The following PDZRN4 variants were observed in gnomAD, a reference collection of about 807,000 sequenced individuals.
PDZRN4 encodes PDZ domain-containing RING finger protein 4.
A neutral mutation model predicts 99.0 loss-of-function variants in PDZRN4; 70 were observed. That is an observed-to-expected ratio of 0.71 (90% CI 0.58 to 0.86). The LOEUF is 0.86. Ranked by LOEUF, PDZRN4 falls within the 40% of genes least tolerant of loss-of-function variation. The pLI is 0.00. For missense variants in PDZRN4, 1,474 were observed against 1,331.2 expected (o/e 1.11, Z -1.67); for synonymous variants, 551 against 501.6 (o/e 1.10, Z -1.32).
At chr12:41,511,668 T>C (rs1007471737) in intron 5 of PDZRN4, among the ~76,000 whole-genome samples, 1 of 152,150 alleles carries the variant, frequency 6.6e-6, no homozygotes, top group African/African-American at 2.4e-5. Flanking sequence ...CAGAGAAATT[T>C]ACCAGATTCA....
chr12:41,365,159 T>C (rs1951989492), intron 3 of PDZRN4, among the ~76,000 whole-genome samples: 1 of 152,078 alleles, frequency 6.6e-6, no homozygotes, highest in Admixed American at 6.6e-5. Context: ...CTCTTAGAGT[T>C]CAGTAAAATG....
At chr12:41,361,828 T>G (rs143451272) in intron 3 of PDZRN4, among the ~76,000 whole-genome samples, 1 of 152,020 alleles carries the variant, frequency 6.6e-6, no homozygotes. Context: ...TCTGTTACTG[T>G]GGAAAGAGGA....
chr12:41,490,725 A>T (rs1321784738), intron 3 of PDZRN4, among the ~76,000 whole-genome samples: 1 of 151,958 alleles, frequency 6.6e-6, no homozygotes, highest in Non-Finnish European at 1.5e-5. Context: ...TTGATTTATT[A>T]ATTTATTGGC....
At chr12:41,512,580 G>A (rs1005347686) in intron 5 of PDZRN4, among the ~76,000 whole-genome samples, 12 of 152,030 alleles carry the variant, frequency 7.9e-5, no homozygotes, top group Non-Finnish European at 7.4e-5. Flanking sequence ...AGGAGGGTGT[G>A]TTTTGTGGAG....
intron 3 of PDZRN4, among the ~76,000 whole-genome samples, chr12:41,372,141 G>T (rs895358153): frequency 8.3e-5 from 12 of 143,878 alleles, no homozygotes; most frequent in African/African-American, 3.0e-4. Flanking sequence ...AGGGATTAAA[G>T]GGGGAAAAAA....
chr12:41,254,593 T>G (rs1270566984), intron 3 of PDZRN4, among the ~76,000 whole-genome samples: 1 of 152,260 alleles, frequency 6.6e-6, no homozygotes, highest in Non-Finnish European at 1.5e-5. Flanking sequence ...AATAAATATT[T>G]TACCATTTCC....
intron 3 of PDZRN4, among the ~76,000 whole-genome samples, chr12:41,218,569 AAGAG>A (rs1950935557): frequency 6.6e-6 from 1 of 152,134 alleles, no homozygotes; most frequent in Admixed American, 6.6e-5. Context: ...ACCCCCTGTA[AAGAG>A]TGTTCTTTCT....
chr12:41,201,566 G>A (rs1318649463), intron 3 of PDZRN4, among the ~76,000 whole-genome samples: 1 of 152,032 alleles, frequency 6.6e-6, no homozygotes, highest in East Asian at 1.9e-4. Flanking sequence ...CAGACATTCT[G>A]TGAATTTTCT....
intron 2 of PDZRN4, among the ~76,000 whole-genome samples, chr12:41,192,770 C>T (rs946416265): frequency 3.9e-5 from 6 of 152,094 alleles, no homozygotes; most frequent in African/African-American, 1.2e-4. Flanking sequence ...CTCCCCAAAC[C>T]GAGTTCTTTG....
At chr12:41,438,199 C>T (rs1952647810) in intron 3 of PDZRN4, among the ~76,000 whole-genome samples, 1 of 152,174 alleles carries the variant, frequency 6.6e-6, no homozygotes, top group Non-Finnish European at 1.5e-5. Context: ...GCCACTCCCC[C>T]TTCAGATGAC....
chr12:41,538,672 AT>A (rs1592102667), intron 5 of PDZRN4, among the ~76,000 whole-genome samples: 1 of 152,162 alleles, frequency 6.6e-6, no homozygotes, highest in Admixed American at 6.5e-5. Context: ...AAAATTAAAC[AT>A]TTTTAATAAA....
At position 41,506,591 on chromosome 12, in the gene PDZRN4, G is replaced by A; in HGVS notation, c.979G>A (p.Val327Met). 6.2e-7 allele frequency: 1 copy of A among 1,613,950 alleles called. No individual in the cohort carries two copies. Among genetic ancestry groups the A allele is most frequent in the Non-Finnish European group, 8.5e-7 (1 of 1,179,890 alleles). ...ACCAGCCTATGGGATGGCTTCAGAAGTGCAGCTTATGAATGCCAGCACTCA... is the reference window on the plus strand; with the variant it reads ...ACCAGCCTATGGGATGGCTTCAGAAATGCAGCTTATGAATGCCAGCACTCA... Reference protein sequence around the residue: ...SRPAYGMASEVQLMNASTQTD... With the variant: ...SRPAYGMASEMQLMNASTQTD... Residue 327 changes from valine (V) to methionine (M), a missense_variant, in exon 4 of 10, where the codon GTG (valine) becomes ATG (methionine). Coordinates refer to ENST00000402685, the MANE Select transcript of PDZRN4 (RefSeq NM_001164595.2).
intron 3 of PDZRN4, among the ~76,000 whole-genome samples, chr12:41,323,832 A>G (rs1171539946): frequency 6.6e-6 from 1 of 151,856 alleles, no homozygotes; most frequent in African/African-American, 2.4e-5. Context: ...TCTTGTAGAG[A>G]TGTGATTTAT....
intron 3 of PDZRN4, among the ~76,000 whole-genome samples, chr12:41,444,291 C>T (rs1217634952): frequency 6.6e-6 from 1 of 152,036 alleles, no homozygotes; most frequent in Non-Finnish European, 1.5e-5. Context: ...CATTCCCCTC[C>T]CTGGGAGGTA....
intron 3 of PDZRN4, among the ~76,000 whole-genome samples, chr12:41,426,574 G>A (rs992493630): frequency 1.3e-5 from 2 of 152,126 alleles, no homozygotes; most frequent in East Asian, 1.9e-4. Flanking sequence ...TCAATTAACA[G>A]TGTGACTTTG....
intron 3 of PDZRN4, among the ~76,000 whole-genome samples, chr12:41,298,895 G>A (rs1330267332): frequency 1.3e-5 from 2 of 152,114 alleles, no homozygotes; most frequent in Non-Finnish European, 2.9e-5. Context: ...GTTTAGTGGT[G>A]ATCAGTTCTC....
chr12:41,404,329 G>A (rs540285823), intron 3 of PDZRN4, among the ~76,000 whole-genome samples: 14 of 152,222 alleles, frequency 9.2e-5, no homozygotes, highest in African/African-American at 3.4e-4. Context: ...TTGGAGCACA[G>A]AGATAAAAGT....
At chr12:41,214,429 C>CAAAAAAAAAAAAAA (rs1950907530) in intron 3 of PDZRN4, among the ~76,000 whole-genome samples, 1 of 16,202 alleles carries the variant, frequency 6.2e-5, no homozygotes, top group Admixed American at 8.0e-4. Context: ...ACCCTGTCCC[C>CAAAAAAAAAAAAAA]TAAAAAAAAA....
chr12:41,477,721 G>C, intron 3 of PDZRN4: 1 of 680,486 alleles, frequency 1.5e-6, no homozygotes, highest in Non-Finnish European at 2.6e-6. Context: ...TTGGTGAACA[G>C]ACCAACTCCG....
Sources: allele counts gnomAD v4.1 joint callset (sites outside exome capture counted in the v4.1 genomes callset), GRCh38; gene constraint gnomAD v4.1.1; transcripts MANE v1.5; gene names NCBI Gene and HGNC (gene_info 2026-07-23, HGNC 2026-07-21).